KCNT2: variants seen among roughly 807,000 people sequenced by gnomAD.
KCNT2 encodes the protein potassium channel subfamily T member 2.
In KCNT2, 67 loss-of-function variants were observed where a neutral mutation model predicts 153.8. The ratio of observed to expected loss-of-function variants is 0.44; its 90% CI spans 0.36 to 0.53. KCNT2 has a LOEUF of 0.53. KCNT2 is among the 20% of genes least tolerant of loss of function. The pLI is 0.00. For synonymous variants in KCNT2, 500 were observed against 458.8 expected (o/e 1.09, Z -1.15); for missense variants, 975 against 1,354.8 (o/e 0.72, Z 4.40).
In KCNT2 at chr1:196,461,201, T is replaced by C. The variant is rs189965833; in HGVS notation, c.638+4092A>G. On this transcript the variant is annotated intron_variant, in intron 8 of 27. Transcript: ENST00000294725. ...TAAATAGAGTTCAAGAACTTAAGCA[T>C]CCAGTGTTTAAATAGGTTTTAATCG... is the stretch of plus-strand genomic sequence containing the variant. Among the ~76,000 whole-genome samples, 82 of 150,634 alleles carry C rather than the reference T, an allele frequency of 5.4e-4. 1 individual carries two copies. Among genetic ancestry groups the C allele is most frequent in the African/African-American group, 2.0e-3 (79 of 40,314 alleles).
At chr1:196,466,170 T>C (rs929022386) in intron 7 of KCNT2, among the ~76,000 whole-genome samples, 19 of 152,242 alleles carry the variant, frequency 1.2e-4, no homozygotes, top group African/African-American at 4.6e-4. Context: ...TTGTTTAATG[T>C]ATCCTGTCTT....
intron 19 of KCNT2, among the ~76,000 whole-genome samples, chr1:196,323,017 T>C (rs1267392382): frequency 1.3e-5 from 2 of 151,938 alleles, no homozygotes; most frequent in East Asian, 3.9e-4. Flanking sequence ...ATATACATTA[T>C]CTACATCATC....
intron 1 of KCNT2, among the ~76,000 whole-genome samples, chr1:196,514,777 A>G (rs1423845813): frequency 6.6e-6 from 1 of 152,162 alleles, no homozygotes; most frequent in Admixed American, 6.6e-5. Flanking sequence ...GATGCTTTTC[A>G]TATACTTATT....
At chr1:196,405,849 C>T (rs962502209) in intron 12 of KCNT2, among the ~76,000 whole-genome samples, 1 of 151,464 alleles carries the variant, frequency 6.6e-6, no homozygotes, top group Non-Finnish European at 1.5e-5. Context: ...TAAAATAATA[C>T]ATGTAGATAG....
At chr1:196,489,817 G>A (rs745609064) in intron 3 of KCNT2, 21 bp downstream of exon 3, 2 of 1,204,246 alleles carry the variant, frequency 1.7e-6, no homozygotes, top group South Asian at 2.6e-5. Flanking sequence ...TATTGTTGAA[G>A]GTCAGAAAAA....
intron 22 of KCNT2, among the ~76,000 whole-genome samples, chr1:196,289,211 C>T (rs1386869892): frequency 2.0e-5 from 3 of 152,036 alleles, no homozygotes; most frequent in Admixed American, 6.6e-5. Context: ...CTGGTGTTAT[C>T]ATTGCAGCTA....
At chr1:196,595,327 G>A (rs1017820190) in intron 1 of KCNT2, among the ~76,000 whole-genome samples, 3 of 151,870 alleles carry the variant, frequency 2.0e-5, no homozygotes, top group Admixed American at 1.3e-4. Context: ...GATAATAATG[G>A]TGATAGACAA....
intron 8 of KCNT2, among the ~76,000 whole-genome samples, chr1:196,449,290 A>C (rs1358129649): frequency 6.6e-6 from 1 of 151,732 alleles, no homozygotes. Flanking sequence ...CCTAAAATCA[A>C]TGTGCTAGCA....
At chr1:196,586,666 TAGTC>T (rs1463339913) in intron 1 of KCNT2, among the ~76,000 whole-genome samples, 1 of 151,900 alleles carries the variant, frequency 6.6e-6, no homozygotes, top group Non-Finnish European at 1.5e-5. Context: ...TAGAAAGAAA[TAGTC>T]AGAGGCAAAT....
chr1:196,380,807 T>C (rs1040584138), intron 13 of KCNT2, among the ~76,000 whole-genome samples: 3 of 152,224 alleles, frequency 2.0e-5, no homozygotes, highest in Admixed American at 6.5e-5. Flanking sequence ...AATTGTATCT[T>C]TTTCTTATAT....
At chr1:196,513,739 A>G (rs529511963) in intron 1 of KCNT2, among the ~76,000 whole-genome samples, 10 of 152,216 alleles carry the variant, frequency 6.6e-5, no homozygotes, top group South Asian at 6.2e-4. Context: ...TCCTTTCACA[A>G]TAGTACTTAT....
intron 8 of KCNT2, among the ~76,000 whole-genome samples, chr1:196,442,490 A>G (rs1675324792): frequency 6.6e-6 from 1 of 151,770 alleles, no homozygotes; most frequent in African/African-American, 2.4e-5. Context: ...TAGCTAATGT[A>G]CATGTATACA....
At chr1:196,521,025 G>C (rs1653316982) in intron 1 of KCNT2, among the ~76,000 whole-genome samples, 1 of 152,136 alleles carries the variant, frequency 6.6e-6, no homozygotes, top group South Asian at 2.1e-4. Flanking sequence ...TACAGAATGG[G>C]AGAAAATATT....
intron 8 of KCNT2, among the ~76,000 whole-genome samples, chr1:196,436,375 T>C (rs1674654930): frequency 6.6e-6 from 1 of 151,584 alleles, no homozygotes; most frequent in South Asian, 2.1e-4. Flanking sequence ...AAAGTGTGCC[T>C]TCAGGACAGG....
chr1:196,387,204 A>G (rs983957352), intron 13 of KCNT2, among the ~76,000 whole-genome samples: 1 of 152,040 alleles, frequency 6.6e-6, no homozygotes, highest in Non-Finnish European at 1.5e-5. Context: ...AAAGTGAATT[A>G]TAAAGTTCTT....
intron 14 of KCNT2, among the ~76,000 whole-genome samples, chr1:196,360,183 G>A (rs1004529250): frequency 2.0e-5 from 3 of 151,890 alleles, no homozygotes; most frequent in Admixed American, 6.6e-5. Flanking sequence ...TTTTTAAAAA[G>A]TAAGATTAAG....
chr1:196,418,038 T>C (rs1672892247), intron 12 of KCNT2, among the ~76,000 whole-genome samples: 2 of 152,156 alleles, frequency 1.3e-5, no homozygotes, highest in South Asian at 2.1e-4. Flanking sequence ...CTGTTTTTCA[T>C]AGAACAGCAT....
At position 196,446,687 on chromosome 1, in the gene KCNT2, A is replaced by C. The variant is rs185644686; in HGVS notation, c.639-16930T>G. On this transcript the variant is annotated intron_variant, in intron 8 of 27. Transcript: ENST00000294725. The stretch of plus-strand genomic sequence containing the variant: ...TTAGGAAGAGAGCCAGTTACCTACA[A>C]GTACTTTGTTTATTCAGGGGCTGTA... Among the ~76,000 whole-genome samples, 9 of 151,678 alleles carry C rather than the reference A, an allele frequency of 5.9e-5. No homozygotes were observed. The East Asian group carries it at 1.8e-3, about 30-fold the overall frequency.
At chr1:196,555,813 A>G (rs934789410) in intron 1 of KCNT2, among the ~76,000 whole-genome samples, 8 of 151,466 alleles carry the variant, frequency 5.3e-5, no homozygotes, top group African/African-American at 1.7e-4. Context: ...CACACAGACC[A>G]ATGGAAAACA....
Sources: gnomAD v4.1 joint callset for allele counts (sites outside exome capture counted in the v4.1 genomes callset) on GRCh38, gnomAD v4.1.1 for gene constraint, MANE v1.5 for transcripts, NCBI Gene and HGNC (gene_info 2026-07-23, HGNC 2026-07-21) for gene names.